CSMD3: variants seen among roughly 807,000 people sequenced by gnomAD.
CSMD3 encodes CUB and Sushi multiple domains 3, also known as CUB and sushi domain-containing protein 3.
A neutral mutation model predicts 435.2 loss-of-function variants in CSMD3; 177 were observed. The observed-to-expected ratio is 0.41, with a 90% CI of 0.36 to 0.46. The LOEUF (loss-of-function observed/expected upper bound fraction) is 0.46, where lower values mean the gene tolerates loss of function less well. Ranked by LOEUF, CSMD3 falls within the 20% of genes least tolerant of loss-of-function variation. The pLI is 0.34. For missense variants in CSMD3, 4,265 were observed against 4,504.6 expected, an observed-to-expected ratio of 0.95 and a Z score of 1.52; for synonymous variants, 1,656 against 1,520.5, an observed-to-expected ratio of 1.09 and a Z score of -2.07.
rs74614093 is a variant in CSMD3 at position 113,364,244 on chromosome 8, AT to A, written c.179-49452del. Among the ~76,000 whole-genome samples, 1,035 of 145,432 alleles carry A rather than the reference AT, an allele frequency of 7.1e-3. 8 individuals are homozygous for A. Among genetic ancestry groups the A allele is most frequent in the Non-Finnish European group, 9.7e-3 (646 of 66,872 alleles). ...CAATCTCCTAAAGGAATTAGACTAA[AT>A]TTTTTTTTTTTTTAAAAAGGATCTG... On this transcript the variant is annotated intron_variant, in intron 1 of 70. Transcript: ENST00000297405.
At chr8:113,045,802 A>AGTT (rs1172835236) in intron 5 of CSMD3, among the ~76,000 whole-genome samples, 1 of 149,220 alleles carries the variant, frequency 6.7e-6, no homozygotes, top group Non-Finnish European at 1.5e-5. Context: ...TTTTACTTTC[A>AGTT]GTTGTTGTTG....
intron 1 of CSMD3, among the ~76,000 whole-genome samples, chr8:113,400,716 C>A (rs185132583): frequency 4.2e-4 from 64 of 151,858 alleles, no homozygotes; most frequent in Admixed American, 1.1e-3. Flanking sequence ...GGAAATAAAT[C>A]AAATAGAAGG....
chr8:113,234,217 G>A (rs113960382), intron 3 of CSMD3, among the ~76,000 whole-genome samples: 3,699 of 152,062 alleles, frequency 0.024, 52 homozygotes, highest in Middle Eastern at 0.051. Flanking sequence ...TTGGCTCCTG[G>A]AAATTTTTCC....
Position 112,223,370 on chromosome 8 carries a change from C to A in CSMD3, c.*1401G>T. 3.5e-6 allele frequency: 1 copy of A among 289,556 alleles called. No homozygotes were observed. Among genetic ancestry groups the A allele is most frequent in the Non-Finnish European group, 6.4e-6 (1 of 156,832 alleles). 17.9% of individuals were successfully genotyped at this position (289,556 alleles called of 1,614,324 possible). A position where few individuals can be genotyped will look rare whatever the true frequency, so the allele number is the denominator to read the frequency against. On this transcript the variant is annotated 3_prime_UTR_variant, in exon 71 of 71. Coordinates refer to ENST00000297405, the MANE Select transcript of CSMD3 (RefSeq NM_198123.2). ...TGATACAAAAAGTCAAGACTGTTCA[C>A]AGAGTTATCCATATTTGAAAGGGAC...
chr8:112,318,972 G>T (rs1455747079), intron 46 of CSMD3, 22 bp from the exon 47 acceptor site: 2 of 1,344,978 alleles, frequency 1.5e-6, no homozygotes, highest in Admixed American at 1.7e-5. Context: ...AAGAGGGGAG[G>T]TTTCATATAA....
chr8:112,612,709 CTTTTTTTTTTTTT>C (rs532290154), intron 22 of CSMD3, among the ~76,000 whole-genome samples: 1 of 65,888 alleles, frequency 1.5e-5, no homozygotes, highest in Non-Finnish European at 2.8e-5. Flanking sequence ...TTTCTTTGTT[CTTTTTTTTTTTTT>C]TTTTTTTTTT....
At chr8:112,224,960 G>A (rs960037602) in intron 70 of CSMD3, 30 bp from the exon 71 acceptor site, 2 of 1,606,710 alleles carry the variant, frequency 1.2e-6, no homozygotes, top group Non-Finnish European at 1.7e-6. Context: ...TTAGCTATGT[G>A]TTAACTTTCT....
chr8:112,262,922 A>G (rs149411965), intron 61 of CSMD3, among the ~76,000 whole-genome samples: 1 of 152,290 alleles, frequency 6.6e-6, no homozygotes, highest in East Asian at 1.9e-4. Context: ...TGTCAAGGTC[A>G]TGAGACAGGT....
At chr8:112,292,747 C>T (rs557601880) in intron 54 of CSMD3, 37 bp from the exon 55 acceptor site, 7 of 1,575,064 alleles carry the variant, frequency 4.4e-6, no homozygotes, top group Non-Finnish European at 6.1e-6. Flanking sequence ...GAAGGAAACA[C>T]AGAAAAAAAA....
intron 22 of CSMD3, among the ~76,000 whole-genome samples, chr8:112,613,302 G>C (rs1833406137): frequency 6.6e-6 from 1 of 151,630 alleles, no homozygotes; most frequent in Non-Finnish European, 1.5e-5. Context: ...TTTTTGGTTT[G>C]CTTGCTTAAA....
At chr8:112,613,082 AC>A in intron 22 of CSMD3, among the ~76,000 whole-genome samples, 1 of 152,090 alleles carries the variant, frequency 6.6e-6, no homozygotes, top group African/African-American at 2.4e-5. Context: ...CTAAAGTCTA[AC>A]CTTTAAAGGA....
intron 7 of CSMD3, among the ~76,000 whole-genome samples, chr8:112,955,725 C>T (rs79848431): frequency 2.8e-4 from 42 of 151,934 alleles, no homozygotes; most frequent in African/African-American, 1.0e-3. Flanking sequence ...CAGGAAATAA[C>T]TTGCTCAGTT....
chr8:113,026,246 C>T (rs1363257811), intron 5 of CSMD3, among the ~76,000 whole-genome samples: 6 of 152,170 alleles, frequency 3.9e-5, no homozygotes, highest in African/African-American at 1.2e-4. Flanking sequence ...CTCTCCCATC[C>T]CCAAGCTCAT....
chr8:112,436,233 G>A (rs1475362133), intron 32 of CSMD3, among the ~76,000 whole-genome samples: 1 of 151,734 alleles, frequency 6.6e-6, no homozygotes, highest in Non-Finnish European at 1.5e-5. Flanking sequence ...CTGATCTAAT[G>A]AAAAAGACAT....
chr8:113,067,105 T>C (rs1271287494), intron 5 of CSMD3, among the ~76,000 whole-genome samples: 5 of 152,120 alleles, frequency 3.3e-5, no homozygotes, highest in Non-Finnish European at 5.9e-5. Flanking sequence ...CTTCTTTTTC[T>C]CTGAAAATTT....
intron 22 of CSMD3, among the ~76,000 whole-genome samples, chr8:112,592,330 T>A (rs1831262976): frequency 6.6e-6 from 1 of 152,020 alleles, no homozygotes; most frequent in Admixed American, 6.6e-5. Context: ...CTTTCTTTTG[T>A]TCTTCTTAGG....
intron 36 of CSMD3, among the ~76,000 whole-genome samples, chr8:112,386,734 T>C (rs1463099737): frequency 6.6e-6 from 1 of 151,324 alleles, no homozygotes; most frequent in Non-Finnish European, 1.5e-5. Context: ...CCTGACCTCG[T>C]GATCCGCCCG....
chr8:113,024,145 C>T (rs1319089736), intron 5 of CSMD3, among the ~76,000 whole-genome samples: 6 of 152,050 alleles, frequency 3.9e-5, no homozygotes, highest in Non-Finnish European at 1.5e-5. Context: ...TTTTTAGATT[C>T]TGAATATGGG....
chr8:112,595,264 A>T (rs1361694475), intron 22 of CSMD3, among the ~76,000 whole-genome samples: 1 of 152,030 alleles, frequency 6.6e-6, no homozygotes, highest in Non-Finnish European at 1.5e-5. Context: ...AAAGGGTATC[A>T]GCAATGGAAG....
Sources: gnomAD v4.1 joint callset for allele counts (sites outside exome capture counted in the v4.1 genomes callset) on GRCh38, gnomAD v4.1.1 for gene constraint, MANE v1.5 for transcripts, NCBI Gene and HGNC (gene_info 2026-07-23, HGNC 2026-07-21) for gene names.